The following RASEF variants were observed in gnomAD, a reference collection of about 807,000 sequenced individuals.
The protein encoded by RASEF is ras and EF-hand domain-containing protein.
In RASEF, 68 loss-of-function variants were observed where a neutral mutation model predicts 90.1. That is an observed-to-expected ratio of 0.75 (90% CI 0.62 to 0.92). RASEF has a LOEUF of 0.92. RASEF is among the 40% of genes least tolerant of loss of function. RASEF has a pLI of 0.00. For missense variants in RASEF, 949 were observed against 937.2 expected, an observed-to-expected ratio of 1.01 and a Z score of -0.16; for synonymous variants, 331 against 345.2, an observed-to-expected ratio of 0.96 and a Z score of 0.46.
At chr9:83,202,326 CAA>C in the RASEF span, among the ~76,000 whole-genome samples, 3 of 152,058 alleles carry the variant, frequency 2.0e-5, no homozygotes, top group African/African-American at 7.3e-5. Flanking sequence ...ACAATGATAA[CAA>C]AAGAGAAAAC....
the RASEF span, among the ~76,000 whole-genome samples, chr9:83,088,888 A>C: frequency 6.6e-6 from 1 of 151,936 alleles, no homozygotes; most frequent in Non-Finnish European, 1.5e-5. Context: ...TCAGCCTTTT[A>C]AGTAGAGATT....
the RASEF span, among the ~76,000 whole-genome samples, chr9:83,071,845 G>A: frequency 6.6e-6 from 1 of 152,136 alleles, no homozygotes; most frequent in East Asian, 1.9e-4. Flanking sequence ...AGGGTTTTAA[G>A]GATGAATATT....
the RASEF span, among the ~76,000 whole-genome samples, chr9:83,159,043 A>G: frequency 1.3e-5 from 2 of 151,950 alleles, no homozygotes; most frequent in Non-Finnish European, 2.9e-5. Flanking sequence ...AAAATTAGCC[A>G]GGCGTGGTGG....
the RASEF span, among the ~76,000 whole-genome samples, chr9:83,110,785 C>T: frequency 3.3e-5 from 5 of 152,114 alleles, no homozygotes; most frequent in African/African-American, 1.2e-4. Flanking sequence ...CCTGTTTGTT[C>T]TGAAAAGCCC....
rs760608840 is a variant in RASEF, at chr9:83,000,441, A to G, written c.1567T>C (p.Ser523Pro). The G allele has an allele frequency of 5.6e-6, 9 of 1,613,820 alleles. No individual in the cohort carries two copies. In the East Asian group the frequency reaches 6.7e-5, roughly 12 times the overall value. ...TCTCGGAGACCACCTACCTGGGGCG[A>G]GAGTGCTGAGATGGGCTTTCTTGAT... ...SSSRKPISAL[S>P]PQTDLVDDNA... The change falls in exon 11 of 17, where the codon TCG becomes CCG. Residue 523 changes from serine (S) to proline (P), a missense_variant. By Grantham distance (74) the Ser-to-Pro change is moderately conservative. Transcript: ENST00000376447.
At position 82,982,680 on chromosome 9, in the gene RASEF, G is replaced by C. The variant is rs76042106; in HGVS notation, c.2220C>G (p.Gly740=). The C allele has an allele frequency of 6.3e-3, 9,765 of 1,541,264 alleles. 57 individuals carry two copies. Among genetic ancestry groups the C allele is most frequent in the Non-Finnish European group, 7.2e-3 (8,031 of 1,113,576 alleles). Residue 740 remains glycine (G), a synonymous_variant, in exon 17 of 17, where the codon GGC becomes GGG. Transcript: ENST00000376447. Reference sequence around the variant, plus strand: ...ACAGGCCAAGGATGTTTGGGATTTAGCCATTGCAACAATTCTTCATCTGTG... The same window carrying C: ...ACAGGCCAAGGATGTTTGGGATTTACCCATTGCAACAATTCTTCATCTGTG... ...KSPQMKNCCN[G]
chr9:83,125,510 G>A, the RASEF span, among the ~76,000 whole-genome samples: 2 of 152,000 alleles, frequency 1.3e-5, no homozygotes, highest in Non-Finnish European at 2.9e-5. Flanking sequence ...AACTGCACAG[G>A]GATCTCACAA....
At chr9:83,005,964 A>G (rs1387072774) in intron 7 of RASEF, among the ~76,000 whole-genome samples, 3 of 152,060 alleles carry the variant, frequency 2.0e-5, no homozygotes, top group Non-Finnish European at 4.4e-5. Context: ...TGTAGCAGGT[A>G]AACACTTGGG....
the RASEF span, among the ~76,000 whole-genome samples, chr9:83,074,837 G>A: frequency 4.6e-5 from 7 of 152,142 alleles, no homozygotes; most frequent in Non-Finnish European, 1.0e-4. Context: ...GCATTGCTAA[G>A]GAACCTTCTT....
the RASEF span, among the ~76,000 whole-genome samples, chr9:83,165,072 C>A: frequency 2.6e-5 from 4 of 152,106 alleles, no homozygotes; most frequent in African/African-American, 9.6e-5. Context: ...GACTTCAACA[C>A]CCCTATATTA....
the RASEF span, among the ~76,000 whole-genome samples, chr9:83,167,598 A>C: frequency 2.0e-5 from 3 of 152,152 alleles, no homozygotes; most frequent in African/African-American, 7.2e-5. Context: ...AGAGTTGTGC[A>C]ACCATTACCA....
At chr9:83,099,729 T>G in the RASEF span, among the ~76,000 whole-genome samples, 8 of 152,358 alleles carry the variant, frequency 5.3e-5, 1 homozygote, top group South Asian at 4.1e-4. Flanking sequence ...TGCGCTTTGC[T>G]TGGTGAGCAG....
intron 12 of RASEF, among the ~76,000 whole-genome samples, chr9:82,999,650 C>T (rs1269452030): frequency 6.6e-6 from 1 of 151,524 alleles, no homozygotes; most frequent in Non-Finnish European, 1.5e-5. Flanking sequence ...ATCACCCAGG[C>T]TGAAGTGCAG....
chr9:83,040,966 T>C (rs896687361), intron 1 of RASEF, among the ~76,000 whole-genome samples: 5 of 152,228 alleles, frequency 3.3e-5, no homozygotes, highest in African/African-American at 9.6e-5. Context: ...GTTCAAACGA[T>C]TCTCCCGCCT....
At position 82,997,127 on chromosome 9, in the gene RASEF, CTG is replaced by C. The variant is rs2118422117; in HGVS notation, c.1806-3_1806-2del. 6.3e-7 allele frequency: 1 copy of C among 1,581,948 alleles called. No homozygotes were observed. Among genetic ancestry groups the C allele is most frequent in the Non-Finnish European group, 8.7e-7 (1 of 1,150,838 alleles). On this transcript the variant is annotated splice_acceptor_variant and splice_polypyrimidine_tract_variant and intron_variant, in intron 13 of 16. Coordinates refer to ENST00000376447, the MANE Select transcript of RASEF (RefSeq NM_152573.4). LOFTEE classifies it high-confidence loss of function. ...GTAAGACTTGGCAATACTTCTGAAT[CTG>C]AGAAAGAGAAAACCACATCATCAGT...
intron 9 of RASEF, among the ~76,000 whole-genome samples, chr9:83,001,587 T>A (rs1487368128): frequency 6.6e-6 from 1 of 152,128 alleles, no homozygotes; most frequent in African/African-American, 2.4e-5. Context: ...AACCACAATG[T>A]CAGACTCAAG....
At chr9:83,124,683 C>T in the RASEF span, among the ~76,000 whole-genome samples, 1 of 152,186 alleles carries the variant, frequency 6.6e-6, no homozygotes, top group Non-Finnish European at 1.5e-5. Context: ...AATCCTGAAA[C>T]TTATCAGTTG....
At chr9:82,991,118 C>T (rs548832605) in intron 15 of RASEF, among the ~76,000 whole-genome samples, 37 of 152,240 alleles carry the variant, frequency 2.4e-4, no homozygotes, top group African/African-American at 8.7e-4. Flanking sequence ...TCACTCATCC[C>T]CCACTCACTC....
At chr9:83,212,556 A>G in the RASEF span, among the ~76,000 whole-genome samples, 3 of 152,258 alleles carry the variant, frequency 2.0e-5, no homozygotes, top group African/African-American at 7.2e-5. Flanking sequence ...TAGTTGCTTA[A>G]TAAGCCTTTA....
Sources: gnomAD v4.1 joint callset for allele counts (sites outside exome capture counted in the v4.1 genomes callset) on GRCh38, gnomAD v4.1.1 for gene constraint, MANE v1.5 for transcripts, NCBI Gene and HGNC (gene_info 2026-07-23, HGNC 2026-07-21) for gene names.